The following BTBD2 variants were observed in gnomAD, a reference collection of about 807,000 sequenced individuals.
BTBD2 encodes the protein BTB domain containing 2.
In BTBD2, 15 loss-of-function variants were observed where a neutral mutation model predicts 44.0. The observed-to-expected ratio is 0.34, with a 90% CI of 0.23 to 0.53. The LOEUF (loss-of-function observed/expected upper bound fraction) is 0.53, where lower values mean the gene tolerates loss of function less well. Among genes scored for constraint, BTBD2 ranks in the 20% least tolerant of loss-of-function variants. The pLI is 0.95. For missense variants in BTBD2, 657 were observed against 746.4 expected (o/e 0.88, Z 1.39); for synonymous variants, 443 against 335.9 (o/e 1.32, Z -3.49).
chr19:1,989,953 C>T (rs1375356589), intron 5 of BTBD2, 51 bp downstream of exon 5: 4 of 1,598,406 alleles, frequency 2.5e-6, no homozygotes, highest in Non-Finnish European at 3.4e-6. Context: ...CAGATGCCCA[C>T]CTGTGTGCCA....
At chr19:1,990,922 C>A in intron 3 of BTBD2, 100 bp from the exon 4 acceptor site, 1 of 1,110,094 alleles carries the variant, frequency 9.0e-7, no homozygotes, top group Admixed American at 2.2e-5. Context: ...CCTGACCACA[C>A]GGGCCTTCCT....
intron 1 of BTBD2, chr19:2,003,716 A>T (rs2016358379): frequency 6.6e-6 from 1 of 151,410 alleles, no homozygotes. Flanking sequence ...GGTTGTGATG[A>T]GCCGAGATCA....
chr19:2,004,171 T>C (rs2016364963), intron 1 of BTBD2, among the ~76,000 whole-genome samples: 1 of 144,204 alleles, frequency 6.9e-6, no homozygotes, highest in Admixed American at 6.8e-5. Context: ...TTGATTGATG[T>C]CTCATGTCCC....
chr19:1,990,681 G>A (rs779379687), intron 4 of BTBD2, 36 bp downstream of exon 4: 13 of 1,542,496 alleles, frequency 8.4e-6, no homozygotes, highest in African/African-American at 2.7e-5. Context: ...CCGAGGCCCC[G>A]CTGGGATTCC....
At chr19:2,015,190 A>AG in intron 1 of BTBD2, 107 bp downstream of exon 1, 1 of 1,209,474 alleles carries the variant, frequency 8.3e-7, no homozygotes, top group Non-Finnish European at 1.0e-6. Flanking sequence ...TCGGGGATGG[A>AG]GGGGTGCGGG....
At chr19:1,988,687 TC>T (rs1346091536) in intron 5 of BTBD2, 1 of 148,754 alleles carries the variant, frequency 6.7e-6, no homozygotes, top group African/African-American at 2.6e-5. Context: ...CACCGCAACA[TC>T]CGTCTCCAGG....
At chr19:2,010,728 C>T (rs903475682) in intron 1 of BTBD2, among the ~76,000 whole-genome samples, 1 of 151,964 alleles carries the variant, frequency 6.6e-6, no homozygotes, top group Non-Finnish European at 1.5e-5. Flanking sequence ...CAATTTCTGC[C>T]TTCCGGATTC....
chr19:2,002,508 T>A (rs1043916635), intron 1 of BTBD2: 7 of 152,202 alleles, frequency 4.6e-5, no homozygotes, highest in South Asian at 2.1e-4. Context: ...CTGACGTGGG[T>A]GGCACGGGGC....
chr19:1,987,018 G>A (rs1375089402), intron 7 of BTBD2, 42 bp from the exon 8 acceptor site: 3 of 1,599,640 alleles, frequency 1.9e-6, no homozygotes, highest in Non-Finnish European at 2.6e-6. Context: ...CCTGGGGAGG[G>A]CCAACGGGGA....
chr19:1,987,514 G>A lies in BTBD2; in HGVS notation c.1167C>T (p.Thr389=), dbSNP rs776686422. Residue 389 remains threonine (T), a synonymous_variant, in exon 6 of 9, where the codon ACC becomes ACT. Transcript: ENST00000255608. ...CCAAGCCCCACCTGATGCGGTCACT[G>A]GTCCCGCTGTAGCCCCAGCGACTCT... ...QVESRWGYSG[T]SDRIRFSVNK... is the part of the protein sequence containing the mutation. 6.9e-6 allele frequency: 11 copies of A among 1,588,168 alleles called. No individual in the cohort carries two copies. Among genetic ancestry groups the A allele is most frequent in the Non-Finnish European group, 9.4e-6 (11 of 1,169,290 alleles).
intron 2 of BTBD2, among the ~76,000 whole-genome samples, chr19:1,996,802 T>G (rs72979651): frequency 0.18 from 27,288 of 151,822 alleles, 2,928 homozygotes; most frequent in African/African-American, 0.3. Context: ...AACCAGGAAG[T>G]CGGAGGTCTC....
At chr19:1,997,539 T>G in intron 1 of BTBD2, 76 bp from the exon 2 acceptor site, 2 of 1,588,048 alleles carry the variant, frequency 1.3e-6, no homozygotes, top group Non-Finnish European at 8.6e-7. Context: ...CCCGGTATCC[T>G]GGGTGACCAC....
At position 1,990,211 on chromosome 19, in the gene BTBD2, G is replaced by A. The variant is rs2016154902; in HGVS notation, c.791-10C>T. 6.3e-7 allele frequency: 1 copy of A among 1,585,072 alleles called. No homozygotes were observed. Among genetic ancestry groups the A allele is most frequent in the Middle Eastern group, 1.7e-4 (1 of 6,032 alleles). ...ACAGCCACCAGCGTGTCTGTGGGGTGGAGGAAGGGGCTGCGTGAACACGAC... is the reference window on the plus strand; with the variant it reads ...ACAGCCACCAGCGTGTCTGTGGGGTAGAGGAAGGGGCTGCGTGAACACGAC... On this transcript the variant is annotated splice_polypyrimidine_tract_variant and intron_variant, in intron 4 of 8. Transcript: ENST00000255608.
chr19:1,998,848 C>T lies in BTBD2; in HGVS notation c.408-1385G>A, dbSNP rs572027360. Among the ~76,000 whole-genome samples, 12 of 152,250 alleles carry T rather than the reference C, an allele frequency of 7.9e-5. No homozygotes were observed. In the East Asian group the frequency reaches 1.7e-3, roughly 22 times the overall value. On this transcript the variant is annotated intron_variant, in intron 1 of 8. Coordinates refer to ENST00000255608, the MANE Select transcript of BTBD2 (RefSeq NM_017797.4). Reference sequence around the variant, plus strand: ...GACGCTCGCGAAGTGGGATCACAGACGCTCGGCCTGCGCGCGGCGGAGCAC... The same window carrying T: ...GACGCTCGCGAAGTGGGATCACAGATGCTCGGCCTGCGCGCGGCGGAGCAC...
At chr19:2,009,260 G>A (rs920472119) in intron 1 of BTBD2, among the ~76,000 whole-genome samples, 4 of 149,550 alleles carry the variant, frequency 2.7e-5, no homozygotes, top group Admixed American at 6.7e-5. Flanking sequence ...GTGTGGTGGC[G>A]TGATCTTGGC....
At chr19:2,013,958 G>A (rs996244222) in intron 1 of BTBD2, 1 of 151,432 alleles carries the variant, frequency 6.6e-6, no homozygotes. Context: ...CTGAAGGGAG[G>A]GGTCCTGGAG....
In BTBD2 at chr19:1,989,945, G is replaced by C. The variant is rs570797536; in HGVS notation, c.988+59C>G. On this transcript the variant is annotated intron_variant, in intron 5 of 8. Coordinates refer to ENST00000255608, the MANE Select transcript of BTBD2 (RefSeq NM_017797.4). ...TCGGGGGCACTATCCTCGGTACCCAGATGCCCACCTGTGTGCCACTCCCCT... is the reference window on the plus strand; with the variant it reads ...TCGGGGGCACTATCCTCGGTACCCACATGCCCACCTGTGTGCCACTCCCCT... The C allele has an allele frequency of 6.3e-6, 10 of 1,584,754 alleles. No individual in the cohort carries two copies. The South Asian group carries it at 1.1e-4, about 18-fold the overall frequency.
chr19:1,994,410 G>C (rs912374821), intron 2 of BTBD2, among the ~76,000 whole-genome samples: 1 of 151,870 alleles, frequency 6.6e-6, no homozygotes. Context: ...CGAGAGGATT[G>C]CCTGAGACCA....
At chr19:1,996,976 G>A (rs549098057) in intron 2 of BTBD2, among the ~76,000 whole-genome samples, 63 of 152,070 alleles carry the variant, frequency 4.1e-4, no homozygotes, top group Non-Finnish European at 8.1e-4. Context: ...ATGTCAGATC[G>A]AGACCATCCT....
Sources: gnomAD v4.1 joint callset for allele counts (sites outside exome capture counted in the v4.1 genomes callset) on GRCh38, gnomAD v4.1.1 for gene constraint, MANE v1.5 for transcripts, NCBI Gene and HGNC (gene_info 2026-07-23, HGNC 2026-07-21) for gene names.